The following CADPS variants were observed in gnomAD, a reference collection of about 807,000 sequenced individuals.
CADPS encodes calcium-dependent secretion activator 1.
In CADPS, 57 loss-of-function variants were observed where a neutral mutation model predicts 167.3. That is an observed-to-expected ratio of 0.34 (90% confidence interval 0.28 to 0.42). The LOEUF (loss-of-function observed/expected upper bound fraction) is 0.42. CADPS is among the 20% of genes least tolerant of loss of function. CADPS has a pLI of 1.00. For synonymous variants in CADPS, 676 were observed against 635.3 expected, an observed-to-expected ratio of 1.06 and a Z score of -0.96; for missense variants, 1,414 against 1,738.1, an observed-to-expected ratio of 0.81 and a Z score of 3.32.
At chr3:62,475,757 C>A (rs1283884270) in intron 23 of CADPS, among the ~76,000 whole-genome samples, 2 of 152,112 alleles carry the variant, frequency 1.3e-5, no homozygotes, top group Non-Finnish European at 2.9e-5. Flanking sequence ...GAAAATACAT[C>A]ATTTGCCGGT....
chr3:62,760,393 T>C (rs2085107855), intron 2 of CADPS, among the ~76,000 whole-genome samples: 2 of 152,040 alleles, frequency 1.3e-5, no homozygotes, highest in South Asian at 4.2e-4. Context: ...TCGGACACAA[T>C]TTTTATTTTT....
intron 1 of CADPS, among the ~76,000 whole-genome samples, chr3:62,868,591 C>T (rs1009383658): frequency 1.3e-5 from 2 of 152,072 alleles, no homozygotes; most frequent in African/African-American, 4.8e-5. Flanking sequence ...AAAATGCATT[C>T]GTAGATCAGT....
At chr3:62,617,374 A>G (rs1262612417) in intron 6 of CADPS, among the ~76,000 whole-genome samples, 2 of 152,176 alleles carry the variant, frequency 1.3e-5, no homozygotes, top group Non-Finnish European at 2.9e-5. Context: ...GAACAGAGTA[A>G]GTATATTGGA....
At chr3:62,490,364 C>T (rs1235473638) in intron 21 of CADPS, among the ~76,000 whole-genome samples, 2 of 152,164 alleles carry the variant, frequency 1.3e-5, no homozygotes. Flanking sequence ...GTAGGCTTTA[C>T]TGGAGCTTTT....
chr3:62,417,288 T>C (rs1266205456), intron 28 of CADPS, among the ~76,000 whole-genome samples: 3 of 129,748 alleles, frequency 2.3e-5, no homozygotes, highest in Admixed American at 7.7e-5. Flanking sequence ...TTTTTTTTTT[T>C]TTTTTTTTTT....
intron 17 of CADPS, among the ~76,000 whole-genome samples, chr3:62,510,120 C>T (rs951214369): frequency 1.1e-4 from 16 of 152,084 alleles, no homozygotes; most frequent in Admixed American, 6.6e-5. Context: ...TCCACCCACC[C>T]ACCTATCTAC....
chr3:62,590,519 GTTT>G (rs1252246883), intron 7 of CADPS, among the ~76,000 whole-genome samples: 3 of 151,978 alleles, frequency 2.0e-5, no homozygotes, highest in Non-Finnish European at 2.9e-5. Context: ...TAGGGACACT[GTTT>G]TTTTGTTTTT....
At position 62,627,130 on chromosome 3, in the gene CADPS, TTGTGTG is replaced by T. The variant is rs10547515; in HGVS notation, c.1325+18586_1325+18591del. ...TTCCATGTTACATTTTACTTTCCAGTTGTGTGTGTGTGTGTGTGTGTGTGTGTGTGT... is the reference window on the plus strand; with the variant it reads ...TTCCATGTTACATTTTACTTTCCAGTTGTGTGTGTGTGTGTGTGTGTGTGT... On this transcript the variant is annotated intron_variant, in intron 6 of 29. Coordinates refer to ENST00000383710, the MANE Select transcript of CADPS (RefSeq NM_003716.4). 5.3e-4 allele frequency among the ~76,000 whole-genome samples: 79 copies of T among 148,382 alleles called. 2 individuals are homozygous for T. The highest frequency in any genetic ancestry group is 2.0e-3 in the South Asian group (9 of 4,530).
intron 3 of CADPS, among the ~76,000 whole-genome samples, chr3:62,717,092 C>T (rs928088435): frequency 2.0e-5 from 3 of 152,138 alleles, no homozygotes; most frequent in Non-Finnish European, 4.4e-5. Flanking sequence ...TGTAATTTTC[C>T]TCTATATGCA....
At chr3:62,590,854 T>G (rs1294185295) in intron 7 of CADPS, among the ~76,000 whole-genome samples, 2 of 151,598 alleles carry the variant, frequency 1.3e-5, no homozygotes, top group African/African-American at 4.8e-5. Flanking sequence ...ATTTATTTAT[T>G]TTATTATTAT....
At position 62,544,817 on chromosome 3, in the gene CADPS, T is replaced by C; in HGVS notation, c.1966+5086A>G. Reference sequence around the variant, plus strand: ...TGTCAGATAATCTAATCTGATTATCTGAGCTGTGCTAGCTATAGGGGAGCA... The same window carrying C: ...TGTCAGATAATCTAATCTGATTATCCGAGCTGTGCTAGCTATAGGGGAGCA... On this transcript the variant is annotated intron_variant, in intron 11 of 29. Transcript: ENST00000383710. The surrounding 1 kb of genome is among the most constrained non-coding windows in gnomAD (Gnocchi z 4.4). 1 of 1,153,060 alleles carries C rather than the reference T, an allele frequency of 8.7e-7. No individual in the cohort carries two copies. The highest frequency in any genetic ancestry group is 1.1e-6 in the Non-Finnish European group (1 of 917,006). 71.4% of individuals were successfully genotyped at this position (1,153,060 alleles called of 1,614,324 possible). A position where few individuals can be genotyped will look rare whatever the true frequency, so the allele number is the denominator to read the frequency against.
At chr3:62,761,583 T>C (rs2085450370) in intron 2 of CADPS, among the ~76,000 whole-genome samples, 1 of 152,018 alleles carries the variant, frequency 6.6e-6, no homozygotes, top group Admixed American at 6.6e-5. Context: ...ATTTGAGTTT[T>C]GTAAAACTTT....
At chr3:62,740,783 C>G (rs553878000) in intron 3 of CADPS, among the ~76,000 whole-genome samples, 1 of 152,140 alleles carries the variant, frequency 6.6e-6, no homozygotes, top group African/African-American at 2.4e-5. Context: ...GTGATGGGCT[C>G]CTTACATACC....
At chr3:62,518,632 T>A (rs1454814964) in intron 13 of CADPS, among the ~76,000 whole-genome samples, 1 of 152,122 alleles carries the variant, frequency 6.6e-6, no homozygotes, top group Non-Finnish European at 1.5e-5. Context: ...TTCTTGAAAA[T>A]TTGGAACAGT....
At chr3:62,747,323 C>T (rs769304385) in intron 3 of CADPS, among the ~76,000 whole-genome samples, 1 of 152,160 alleles carries the variant, frequency 6.6e-6, no homozygotes, top group Non-Finnish European at 1.5e-5. Context: ...TAGAGTCTGG[C>T]CCCCAAAGCA....
chr3:62,445,712 G>GAAAAAAAAAAAAA (rs369250660), intron 27 of CADPS, 53 bp downstream of exon 27: 4 of 876,912 alleles, frequency 4.6e-6, no homozygotes, highest in South Asian at 2.3e-5. Flanking sequence ...AAGTAAAAAT[G>GAAAAAAAAAAAAA]AAAAAAAAAA....
chr3:62,642,826 C>T (rs2067700301), intron 6 of CADPS, among the ~76,000 whole-genome samples: 1 of 152,096 alleles, frequency 6.6e-6, no homozygotes, highest in South Asian at 2.1e-4. Context: ...GGGAGGATCA[C>T]CTGAGCCCAG....
At chr3:62,717,898 C>A (rs1027781348) in intron 3 of CADPS, among the ~76,000 whole-genome samples, 2 of 152,278 alleles carry the variant, frequency 1.3e-5, no homozygotes, top group Non-Finnish European at 2.9e-5. Flanking sequence ...CTCCCTGTCG[C>A]ATGTGTTCCC....
chr3:62,537,062 G>T (rs796451255), intron 11 of CADPS, among the ~76,000 whole-genome samples: 1 of 152,012 alleles, frequency 6.6e-6, no homozygotes, highest in East Asian at 1.9e-4. Context: ...TATTTATATC[G>T]TCTTCTTCCA....
Sources: gnomAD v4.1 joint callset for allele counts (sites outside exome capture counted in the v4.1 genomes callset) on GRCh38, gnomAD v4.1.1 for gene constraint, Gnocchi (gnomAD v3.1) non-coding constraint, MANE v1.5 for transcripts, NCBI Gene and HGNC (gene_info 2026-07-23, HGNC 2026-07-21) for gene names.